The following HPSE2 variants were observed in gnomAD, a reference collection of about 807,000 sequenced individuals.
HPSE2 encodes heparanase 2 (inactive), also known as inactive heparanase-2.
In HPSE2, 38 loss-of-function variants were observed where a neutral mutation model predicts 60.5. The observed-to-expected ratio is 0.63, with a 90% CI of 0.48 to 0.82. The LOEUF (loss-of-function observed/expected upper bound fraction) is 0.82, where lower values mean the gene tolerates loss of function less well. HPSE2 is among the 40% of genes least tolerant of loss of function. The probability of loss-of-function intolerance (pLI) is 0.00; values close to 1 mark genes in which losing one functional copy is unlikely to be tolerated. For synonymous variants in HPSE2, 295 were observed against 293.2 expected (o/e 1.01, Z -0.06); for missense variants, 713 against 740.4 (o/e 0.96, Z 0.43).
rs565431285 is a variant in HPSE2 at position 98,509,562 on chromosome 10, C to T, written c.1321-19366G>A. ...TGTCACTCAGGCTAGAGTGCAGTGT[C>T]GTGATCTCAGCTCACTGCAACCTCC... On this transcript the variant is annotated intron_variant, in intron 9 of 11. Coordinates refer to ENST00000370552, the MANE Select transcript of HPSE2 (RefSeq NM_021828.5). Among the ~76,000 whole-genome samples, 88 of 151,582 alleles carry T rather than the reference C, an allele frequency of 5.8e-4. No homozygotes were observed. In the Middle Eastern group the frequency reaches 0.021, roughly 35 times the overall value.
intron 3 of HPSE2, among the ~76,000 whole-genome samples, chr10:98,944,053 G>T (rs1214358215): frequency 2.0e-5 from 3 of 152,162 alleles, no homozygotes; most frequent in African/African-American, 7.2e-5. Context: ...ATGGGATAGG[G>T]TTGAGGACCA....
intron 3 of HPSE2, among the ~76,000 whole-genome samples, chr10:99,045,654 T>A (rs1275648441): frequency 6.6e-6 from 1 of 152,000 alleles, no homozygotes; most frequent in African/African-American, 2.4e-5. Context: ...AGCAATGACT[T>A]TACAACTGAT....
chr10:98,871,865 A>T, intron 3 of HPSE2, among the ~76,000 whole-genome samples: 1 of 152,168 alleles, frequency 6.6e-6, no homozygotes, highest in Admixed American at 6.6e-5. Flanking sequence ...TACTGTGAAA[A>T]CAGCCTCAGC....
rs773791855 is a variant in HPSE2 at position 98,641,821 on chromosome 10, T to C, written c.1098+26A>G. 25 of 1,552,898 alleles carry C rather than the reference T, an allele frequency of 1.6e-5. No individual in the cohort carries two copies. The East Asian group carries it at 5.6e-4, about 35-fold the overall frequency. ...TTGTCTTACCCCCAGAATCGCTCCT[T>C]TTCTTCCCAGGATACTTTTACTCAC... On this transcript the variant is annotated intron_variant, in intron 7 of 11. Transcript: ENST00000370552.
intron 9 of HPSE2, among the ~76,000 whole-genome samples, chr10:98,494,571 T>C (rs1404639289): frequency 6.6e-6 from 1 of 152,240 alleles, no homozygotes; most frequent in African/African-American, 2.4e-5. Flanking sequence ...TATTTAAGAA[T>C]GTTAGCACAG....
the HPSE2 span, among the ~76,000 whole-genome samples, chr10:99,260,794 C>T: frequency 2.6e-5 from 4 of 152,150 alleles, no homozygotes; most frequent in African/African-American, 7.2e-5. Flanking sequence ...TCCCCTTCTC[C>T]GTGTCTCTGC....
intron 3 of HPSE2, among the ~76,000 whole-genome samples, chr10:98,888,108 C>A (rs1300772652): frequency 6.7e-6 from 1 of 148,436 alleles, no homozygotes; most frequent in South Asian, 2.2e-4. Context: ...GAATACCACA[C>A]CTGCAAAAGG....
At position 98,675,539 on chromosome 10, in the gene HPSE2, TACAC is replaced by T. The variant is rs774393556; in HGVS notation, c.1004+18357_1004+18360del. Among the ~76,000 whole-genome samples the T allele has an allele frequency of 5.5e-3, 671 of 121,548 alleles. 5 individuals carry two copies. The East Asian group carries it at 0.057, about 10-fold the overall frequency. The allele number at this position is 121,548 out of a possible 152,430, so 79.7% of individuals were successfully genotyped here. ...TAAGCAACACAGTGAGATCCCTGTC[TACAC>T]ACACACACACACACACACACACACA... On this transcript the variant is annotated intron_variant, in intron 6 of 11. Coordinates refer to ENST00000370552, the MANE Select transcript of HPSE2 (RefSeq NM_021828.5).
At chr10:98,471,274 C>A (rs1435389081) in intron 11 of HPSE2, among the ~76,000 whole-genome samples, 1 of 152,178 alleles carries the variant, frequency 6.6e-6, no homozygotes, top group Non-Finnish European at 1.5e-5. Context: ...ACCTGGGGAG[C>A]TTTAACAAAT....
At chr10:98,680,876 C>T (rs1157702787) in intron 6 of HPSE2, among the ~76,000 whole-genome samples, 11 of 151,968 alleles carry the variant, frequency 7.2e-5, no homozygotes, top group Non-Finnish European at 1.5e-4. Context: ...CTATCTCAGC[C>T]CCCAGAATAA....
chr10:98,990,410 T>TTGC (rs1956494272), intron 3 of HPSE2, among the ~76,000 whole-genome samples: 1 of 152,304 alleles, frequency 6.6e-6, no homozygotes, highest in Admixed American at 6.5e-5. Context: ...TGATAATCTA[T>TTGC]TGCTGCTGCT....
the HPSE2 span, among the ~76,000 whole-genome samples, chr10:99,308,739 A>T: frequency 6.7e-6 from 1 of 149,008 alleles, no homozygotes; most frequent in South Asian, 2.2e-4. Context: ...TTTACAAAAT[A>T]CAGTAATTCT....
the HPSE2 span, among the ~76,000 whole-genome samples, chr10:99,250,271 T>C: frequency 6.6e-6 from 1 of 152,160 alleles, no homozygotes; most frequent in African/African-American, 2.4e-5. Flanking sequence ...CCAACCATGC[T>C]TCCTGTACAG....
At chr10:99,213,774 C>A (rs1349198036) in intron 2 of HPSE2, among the ~76,000 whole-genome samples, 1 of 152,112 alleles carries the variant, frequency 6.6e-6, no homozygotes. Flanking sequence ...CGGCCTTATG[C>A]AAGTCTGAGC....
chr10:99,175,310 G>A (rs1847481560), intron 2 of HPSE2, among the ~76,000 whole-genome samples: 1 of 152,152 alleles, frequency 6.6e-6, no homozygotes, highest in Non-Finnish European at 1.5e-5. Context: ...AAACCAGGGA[G>A]CCAAGTGGTC....
At chr10:98,564,020 C>T (rs1286385641) in intron 9 of HPSE2, among the ~76,000 whole-genome samples, 2 of 152,146 alleles carry the variant, frequency 1.3e-5, no homozygotes, top group East Asian at 1.9e-4. Context: ...GAAGATGAAA[C>T]GCAAAGTTCA....
intron 9 of HPSE2, among the ~76,000 whole-genome samples, chr10:98,600,911 G>GTATATGTGTGTGTGTGTATA (rs1554950518): frequency 1.4e-5 from 1 of 73,702 alleles, no homozygotes; most frequent in East Asian, 4.0e-4. Flanking sequence ...ATGTGTGTGT[G>GTATATGTGTGTGTGTGTATA]TATATATATA....
At chr10:98,622,980 A>T (rs1416312370) in intron 7 of HPSE2, among the ~76,000 whole-genome samples, 1 of 152,196 alleles carries the variant, frequency 6.6e-6, no homozygotes, top group Non-Finnish European at 1.5e-5. Flanking sequence ...GTGCTAAAAA[A>T]ATCTGTGTAC....
At chr10:98,696,497 G>A (rs889573443) in intron 5 of HPSE2, among the ~76,000 whole-genome samples, 2 of 152,146 alleles carry the variant, frequency 1.3e-5, no homozygotes, top group Non-Finnish European at 2.9e-5. Flanking sequence ...GGCAGTCAGT[G>A]AGTGTGCTAC....
Sources: gnomAD v4.1 joint callset for allele counts (sites outside exome capture counted in the v4.1 genomes callset) on GRCh38, gnomAD v4.1.1 for gene constraint, MANE v1.5 for transcripts, NCBI Gene and HGNC (gene_info 2026-07-23, HGNC 2026-07-21) for gene names.